Variants in CCSER2 observed in about 807,000 individuals in gnomAD.
The protein encoded by CCSER2 is coiled-coil serine rich protein 2, also known as serine-rich coiled-coil domain-containing protein 2.
Under a neutral mutation model 92.3 loss-of-function variants are expected in CCSER2, and 46 were observed. The observed-to-expected ratio is 0.50, with a 90% CI of 0.39 to 0.64. The LOEUF (loss-of-function observed/expected upper bound fraction) is 0.64, where lower values mean the gene tolerates loss of function less well. Among genes scored for constraint, CCSER2 ranks in the 30% least tolerant of loss-of-function variants. The probability of loss-of-function intolerance (pLI) is 0.00; values close to 1 mark genes in which losing one functional copy is unlikely to be tolerated. For missense variants in CCSER2, 1,244 were observed against 1,238.9 expected (o/e 1.00, Z -0.06); for synonymous variants, 433 against 431.4 (o/e 1.00, Z -0.04).
intron 6 of CCSER2, among the ~76,000 whole-genome samples, chr10:84,442,536 G>A (rs967688134): frequency 1.3e-5 from 2 of 152,168 alleles, no homozygotes; most frequent in African/African-American, 4.8e-5. Context: ...GGTGTTACTA[G>A]TGATGATTCC....
intron 1 of CCSER2, among the ~76,000 whole-genome samples, chr10:84,355,704 G>A (rs1252532848): frequency 1.3e-5 from 2 of 152,192 alleles, no homozygotes; most frequent in African/African-American, 4.8e-5. Context: ...TAAGTCATTG[G>A]TGTAATGAAA....
chr10:84,468,744 C>T (rs1050851283), intron 7 of CCSER2, among the ~76,000 whole-genome samples: 9 of 150,950 alleles, frequency 6.0e-5, no homozygotes, highest in Non-Finnish European at 1.0e-4. Flanking sequence ...TTTCAGATAA[C>T]ACCTTGTTAT....
intron 7 of CCSER2, among the ~76,000 whole-genome samples, chr10:84,466,657 G>A (rs1177106452): frequency 1.3e-5 from 2 of 150,314 alleles, no homozygotes; most frequent in Non-Finnish European, 3.0e-5. Context: ...GGCGCCCGCC[G>A]CCACGCCTGG....
rs148791450 is a variant in CCSER2 at position 84,508,124 on chromosome 10, T to C, written c.2326-5325T>C. On this transcript the variant is annotated intron_variant, in intron 9 of 9. Transcript: ENST00000372088. Reference sequence around the variant, plus strand: ...AGAAATTATCTGATGGTTCAAATTCTGGCTTTGCCACTTGCCAAAATGTTT... The same window carrying C: ...AGAAATTATCTGATGGTTCAAATTCCGGCTTTGCCACTTGCCAAAATGTTT... Among the ~76,000 whole-genome samples, 360 of 152,374 alleles carry C rather than the reference T, an allele frequency of 2.4e-3. 1 individual carries two copies. Among genetic ancestry groups the C allele is most frequent in the African/African-American group, 8.3e-3 (344 of 41,598 alleles).
intron 6 of CCSER2, among the ~76,000 whole-genome samples, chr10:84,439,738 A>G (rs1271769525): frequency 2.6e-5 from 4 of 152,242 alleles, no homozygotes; most frequent in African/African-American, 9.6e-5. Context: ...AGAGTGGAGA[A>G]TCCTTTTTGG....
At chr10:84,426,423 C>G (rs928447423) in intron 5 of CCSER2, among the ~76,000 whole-genome samples, 2 of 152,100 alleles carry the variant, frequency 1.3e-5, no homozygotes, top group African/African-American at 4.8e-5. Context: ...TCATTCAAAC[C>G]TGGAATCAAA....
intron 3 of CCSER2, among the ~76,000 whole-genome samples, chr10:84,407,217 T>C (rs1365903386): frequency 6.6e-6 from 1 of 152,248 alleles, no homozygotes; most frequent in East Asian, 1.9e-4. Context: ...TAATTGGGCT[T>C]CAAAACTATG....
chr10:84,463,822 C>G lies in CCSER2; in HGVS notation c.2065-111C>G, dbSNP rs146412358. 9.3e-5 allele frequency: 61 copies of G among 656,570 alleles called. No individual in the cohort carries two copies. In the African/African-American group the frequency reaches 1.0e-3, roughly 11 times the overall value. The allele number at this position is 656,570 out of a possible 1,614,324, so 40.7% of individuals were successfully genotyped here. ...TGTCTCCCATTTGTTCTTCACCATG[C>G]TAGCATTTGGTCTTCACCATGCTAG... On this transcript the variant is annotated intron_variant, in intron 6 of 9. Transcript: ENST00000372088.
intron 1 of CCSER2, among the ~76,000 whole-genome samples, chr10:84,358,318 G>A (rs1360404555): frequency 6.6e-6 from 1 of 152,124 alleles, no homozygotes; most frequent in Non-Finnish European, 1.5e-5. Flanking sequence ...GTATATCACT[G>A]TTGGTAATTT....
At chr10:84,399,907 TTTTCTTTC>T (rs1018703189) in intron 3 of CCSER2, among the ~76,000 whole-genome samples, 1 of 150,978 alleles carries the variant, frequency 6.6e-6, no homozygotes, top group African/African-American at 2.4e-5. Context: ...TTCTGTCTTT[TTTTCTTTC>T]TTTCTTTCTT....
chr10:84,409,508 T>C (rs879347669), intron 3 of CCSER2, among the ~76,000 whole-genome samples: 4 of 152,140 alleles, frequency 2.6e-5, no homozygotes, highest in South Asian at 4.1e-4. Context: ...ATGTATATTA[T>C]AGTGTTTTTA....
At chr10:84,425,650 G>A in intron 4 of CCSER2, 81 bp from the exon 5 acceptor site, 1 of 878,726 alleles carries the variant, frequency 1.1e-6, no homozygotes, top group Middle Eastern at 2.4e-4. Flanking sequence ...TTGATTTACA[G>A]CATTTAATTA....
chr10:84,456,386 A>G (rs1845622564), intron 6 of CCSER2, among the ~76,000 whole-genome samples: 1 of 152,148 alleles, frequency 6.6e-6, no homozygotes, highest in South Asian at 2.1e-4. Context: ...AACTTGAAAT[A>G]TTCATTTATG....
At chr10:84,396,075 A>G (rs1383462027) in intron 3 of CCSER2, among the ~76,000 whole-genome samples, 2 of 152,126 alleles carry the variant, frequency 1.3e-5, no homozygotes, top group Non-Finnish European at 2.9e-5. Context: ...TTTGACTCCA[A>G]TCAAATGCCA....
chr10:84,505,482 T>C (rs1245044776), intron 9 of CCSER2, among the ~76,000 whole-genome samples: 2 of 152,214 alleles, frequency 1.3e-5, no homozygotes, highest in Non-Finnish European at 2.9e-5. Flanking sequence ...AATGTGTGAC[T>C]ATAATCAATT....
chr10:84,360,049 G>A (rs756657979), intron 1 of CCSER2, among the ~76,000 whole-genome samples: 15 of 152,120 alleles, frequency 9.9e-5, no homozygotes, highest in Non-Finnish European at 2.2e-4. Flanking sequence ...CCTGACCTCA[G>A]GTGATCACCT....
At chr10:84,486,713 A>G (rs1327071900) in intron 9 of CCSER2, among the ~76,000 whole-genome samples, 2 of 152,110 alleles carry the variant, frequency 1.3e-5, no homozygotes, top group African/African-American at 2.4e-5. Context: ...CTCTGATGGT[A>G]GTTTCTTTTG....
At chr10:84,437,166 GAGAGAGAGAC>G (rs1392301169) in intron 5 of CCSER2, among the ~76,000 whole-genome samples, 5 of 151,468 alleles carry the variant, frequency 3.3e-5, no homozygotes, top group African/African-American at 1.2e-4. Context: ...GAGAGAGAGA[GAGAGAGAGAC>G]AGAGAGACAG....
chr10:84,402,223 G>A (rs1039286889), intron 3 of CCSER2, among the ~76,000 whole-genome samples: 5 of 152,102 alleles, frequency 3.3e-5, no homozygotes, highest in African/African-American at 1.2e-4. Context: ...GCCCTGAAGC[G>A]ATCCATGCAA....
Sources: gnomAD v4.1 joint callset for allele counts (sites outside exome capture counted in the v4.1 genomes callset) on GRCh38, gnomAD v4.1.1 for gene constraint, MANE v1.5 for transcripts, NCBI Gene and HGNC (gene_info 2026-07-23, HGNC 2026-07-21) for gene names.